Variants in CORO1B observed in about 807,000 individuals in gnomAD.
CORO1B encodes the protein coronin 1B.
Under a neutral mutation model 51.1 loss-of-function variants are expected in CORO1B, and 30 were observed. That is an observed-to-expected ratio of 0.59 (90% CI 0.44 to 0.80). The LOEUF (loss-of-function observed/expected upper bound fraction) is 0.80, where lower values mean the gene tolerates loss of function less well. CORO1B is among the 30% of genes least tolerant of loss of function. The pLI, the probability that CORO1B is intolerant of heterozygous loss-of-function variation, is 0.00. For synonymous variants in CORO1B, 310 were observed against 289.7 expected, an observed-to-expected ratio of 1.07 and a Z score of -0.71; for missense variants, 648 against 700.4, an observed-to-expected ratio of 0.93 and a Z score of 0.84.
At position 67,439,817 on chromosome 11, in the gene CORO1B, C is replaced by G; in HGVS notation, c.1034G>C (p.Cys345Ser). The G allele has an allele frequency of 1.3e-6, 2 of 1,588,604 alleles. No individual in the cohort carries two copies. The highest frequency in any genetic ancestry group is 1.7e-6 in the Non-Finnish European group (2 of 1,168,030). ...TGGCACAGTCATGACGATGGGCTCA[C>G]ACTTGCGCTCATGCAGTTTGTAGAA... ...ARFYKLHERK[C>S]EPIVMTVPRK... Residue 345 changes from cysteine to serine, a missense_variant, in exon 9 of 11, where the codon TGT becomes TCT. Transcript: ENST00000341356.
chr11:67,435,963 C>T lies in CORO1B; in HGVS notation c.*2413G>A, dbSNP rs199676581. 34 of 1,613,640 alleles carry T rather than the reference C, an allele frequency of 2.1e-5. No homozygotes were observed. The East Asian group carries it at 4.0e-4, about 19-fold the overall frequency. On this transcript the variant is annotated 3_prime_UTR_variant, in exon 11 of 11. Coordinates refer to ENST00000341356, the MANE Select transcript of CORO1B (RefSeq NM_020441.3). ...CTGGACGCCTCTCCACATTGCTGCT[C>T]GCCTTCCCCAGGGTCAGCCTGCAGG...
rs766764947 is a variant in CORO1B, at chr11:67,440,141, C to T, written c.984G>A (p.Glu328=). Residue 328 remains glutamate, a synonymous_variant, in exon 8 of 11, where the codon GAG becomes GAA. Coordinates refer to ENST00000341356, the MANE Select transcript of CORO1B (RefSeq NM_020441.3). ...GMGSMPKRGL[E]VSKCEIARFY... ...ACCGGGCGATCTCGCACTTGCTGAC[C>T]TCCAGGCCCCGCTTGGGCATGCTGC... The T allele has an allele frequency of 3.5e-5, 56 of 1,612,912 alleles. No homozygotes were observed. Among genetic ancestry groups the T allele is most frequent in the Middle Eastern group, 1.7e-4 (1 of 6,014 alleles).
chr11:67,439,866 C>T (rs372686577), intron 8 of CORO1B, 23 bp from the exon 9 acceptor site: 44 of 1,560,240 alleles, frequency 2.8e-5, no homozygotes, highest in Admixed American at 5.8e-5. Context: ...GGAGGAGCCA[C>T]GGGTGGAACC....
intron 6 of CORO1B, 38 bp downstream of exon 6, chr11:67,441,087 C>T (rs1248095115): frequency 1.2e-6 from 2 of 1,612,648 alleles, no homozygotes. Flanking sequence ...AGGGTGGGGC[C>T]CAAGTCTCAA....
At position 67,438,484 on chromosome 11, in the gene CORO1B, C is replaced by T; in HGVS notation, c.1362G>A (p.Glu454=). Residue 454 remains glutamate, a synonymous_variant, in exon 11 of 11, where the codon GAG becomes GAA. Coordinates refer to ENST00000341356, the MANE Select transcript of CORO1B (RefSeq NM_020441.3). The part of the protein sequence containing the change: ...LARAGEAGKL[E]EVMQELRALR... ...GGGCCCGCAGCTCCTGCATCACCTCCTCCAGCTTCCCAGCCTCCTGTGGGG... is the reference window on the plus strand; with the variant it reads ...GGGCCCGCAGCTCCTGCATCACCTCTTCCAGCTTCCCAGCCTCCTGTGGGG... 6.2e-7 allele frequency: 1 copy of T among 1,609,174 alleles called. No homozygotes were observed. Among genetic ancestry groups the T allele is most frequent in the Non-Finnish European group, 8.5e-7 (1 of 1,177,278 alleles).
Position 67,442,483 on chromosome 11 carries a change from G to A in CORO1B, c.146C>T (p.Ala49Val). The A allele has an allele frequency of 3.1e-6, 5 of 1,613,590 alleles. No individual in the cohort carries two copies. The highest frequency in any genetic ancestry group is 4.2e-6 in the Non-Finnish European group (5 of 1,180,008). The change falls in exon 2 of 11, where the codon GCG (alanine) becomes GTG (valine). Residue 49 changes from alanine to valine, a missense_variant. Coordinates refer to ENST00000341356, the MANE Select transcript of CORO1B (RefSeq NM_020441.3). ...TFCAVNPKFLAVIVEASGGGA... is the reference protein window; with the variant it reads ...TFCAVNPKFLVVIVEASGGGA... ...CCCTCCACTGGCCTCCACAATCACCGCCAGGAACTTGGGGTTGACGGCGCA... is the reference window on the plus strand; with the variant it reads ...CCCTCCACTGGCCTCCACAATCACCACCAGGAACTTGGGGTTGACGGCGCA...
At chr11:67,442,220 G>C in intron 2 of CORO1B, 132 bp from the exon 3 acceptor site, 1 of 1,467,648 alleles carries the variant, frequency 6.8e-7, no homozygotes, top group South Asian at 1.3e-5. Flanking sequence ...CACTTGCCAG[G>C]TGAGCAGGAA....
Position 67,440,794 on chromosome 11 carries a change from G to A in CORO1B, c.756+331C>T, listed in dbSNP as rs981032930. The A allele has an allele frequency of 9.3e-6, 6 of 647,830 alleles. No homozygotes were observed. In the African/African-American group the frequency reaches 1.1e-4, roughly 12 times the overall value. 40.1% of individuals were successfully genotyped at this position (647,830 alleles called of 1,614,324 possible). ...CAGAAGCAGAGAGGGCTGGGGCCAGGAGGCTTGCTGGAGGAGGAGGCTTTC... is the reference window on the plus strand; with the variant it reads ...CAGAAGCAGAGAGGGCTGGGGCCAGAAGGCTTGCTGGAGGAGGAGGCTTTC... On this transcript the variant is annotated intron_variant, in intron 6 of 10. Coordinates refer to ENST00000341356, the MANE Select transcript of CORO1B (RefSeq NM_020441.3).
rs1391266494 is a variant in CORO1B at position 67,436,125 on chromosome 11, G to A, written c.*2251C>T. ...CTGGCCCAGAGCAGGCGCCGCGTGCGGCCCCACAGCGCGGCACCTAGGCGG... is the reference window on the plus strand; with the variant it reads ...CTGGCCCAGAGCAGGCGCCGCGTGCAGCCCCACAGCGCGGCACCTAGGCGG... On this transcript the variant is annotated 3_prime_UTR_variant, in exon 11 of 11. Transcript: ENST00000341356. 2 of 1,593,280 alleles carry A rather than the reference G, an allele frequency of 1.3e-6. No homozygotes were observed. Among genetic ancestry groups the A allele is most frequent in the Middle Eastern group, 1.7e-4 (1 of 6,018 alleles).
rs1057184 is a variant in CORO1B, at chr11:67,435,733, C to T, written c.*2643G>A. The T allele has an allele frequency of 6.6e-7, 1 of 1,525,446 alleles. No homozygotes were observed. Among genetic ancestry groups the T allele is most frequent in the Non-Finnish European group, 8.8e-7 (1 of 1,138,826 alleles). 94.5% of individuals were successfully genotyped at this position (1,525,446 alleles called of 1,614,324 possible). A position where few individuals can be genotyped will look rare whatever the true frequency, so the allele number is the denominator to read the frequency against. Reference sequence around the variant, plus strand: ...AGGGATGGGACACCAAGACCGGCCTCTACAGTGCGGTGACATGGAGGCCCT... The same window carrying T: ...AGGGATGGGACACCAAGACCGGCCTTTACAGTGCGGTGACATGGAGGCCCT... On this transcript the variant is annotated 3_prime_UTR_variant, in exon 11 of 11. Coordinates refer to ENST00000341356, the MANE Select transcript of CORO1B (RefSeq NM_020441.3).
rs1479627219 is a variant in CORO1B at position 67,438,755 on chromosome 11, G to A, written c.1260C>T (p.Ala420=). The change falls in exon 10 of 11, where the codon GCC becomes GCT. Residue 420 remains alanine, a synonymous_variant. Transcript: ENST00000341356. ...NVLSDSRPAM[A]PGSSHLGAPA... Reference sequence around the variant, plus strand: ...GGGCCCCTAGGTGGGAGGAGCCCGGGGCCATGGCGGGCCGGCTGTCAGACA... The same window carrying A: ...GGGCCCCTAGGTGGGAGGAGCCCGGAGCCATGGCGGGCCGGCTGTCAGACA... 2 of 1,564,566 alleles carry A rather than the reference G, an allele frequency of 1.3e-6. No individual in the cohort carries two copies. Among genetic ancestry groups the A allele is most frequent in the African/African-American group, 1.4e-5 (1 of 74,008 alleles).
At chr11:67,443,479 A>G, upstream of CORO1B, 1 of 985,812 alleles carries the variant, frequency 1.0e-6, no homozygotes, top group Non-Finnish European at 1.2e-6. Flanking sequence ...GGAAGCAGGA[A>G]GCAGGATTCA....
chr11:67,442,313 A>G (rs557035660), intron 2 of CORO1B, 115 bp downstream of exon 2: 219 of 1,296,166 alleles, frequency 1.7e-4, no homozygotes, highest in Middle Eastern at 5.3e-4. Context: ...AATCTGGGTT[A>G]TAACACCTGC....
rs1057187722 is a variant in CORO1B, at chr11:67,442,181, T to C, written c.202-93A>G. ...GTGGGAATGACATGCACGTCCCGGC[T>C]CACAGGTGGCCCAGATGTGACTGTG... On this transcript the variant is annotated intron_variant, in intron 2 of 10. Coordinates refer to ENST00000341356, the MANE Select transcript of CORO1B (RefSeq NM_020441.3). 1.9e-6 allele frequency: 3 copies of C among 1,562,372 alleles called. No individual in the cohort carries two copies. The African/African-American group carries it at 4.0e-5, about 21-fold the overall frequency.
chr11:67,436,907 CTCAATAAG>C lies in CORO1B; in HGVS notation c.*1461_*1468del, dbSNP rs1490161394. On this transcript the variant is annotated 3_prime_UTR_variant, in exon 11 of 11. Transcript: ENST00000341356. ...TTTGGGTCAAGCATGTTAGTAGGTG[CTCAATAAG>C]TATGGATTAAATGTGTCTAGGCTGC... The C allele has an allele frequency of 6.5e-6, 1 of 152,762 alleles. No individual in the cohort carries two copies. Among genetic ancestry groups the C allele is most frequent in the Non-Finnish European group, 1.5e-5 (1 of 68,626 alleles). The allele number at this position is 152,762 out of a possible 1,614,324, so 9.5% of individuals were successfully genotyped here.
rs1382964963 is a variant in CORO1B at position 67,438,234 on chromosome 11, G to T, written c.*142C>A. The T allele has an allele frequency of 9.3e-7, 1 of 1,073,410 alleles. No individual in the cohort carries two copies. Among genetic ancestry groups the T allele is most frequent in the Non-Finnish European group, 1.3e-6 (1 of 756,642 alleles). 66.5% of individuals were successfully genotyped at this position (1,073,410 alleles called of 1,614,324 possible). A position where few individuals can be genotyped will look rare whatever the true frequency, so the allele number is the denominator to read the frequency against. ...AAGCTGGGCGCTGGCTTCGGCCTGGGCCTGGGACGGGTGGGGGTGGGAACT... is the reference window on the plus strand; with the variant it reads ...AAGCTGGGCGCTGGCTTCGGCCTGGTCCTGGGACGGGTGGGGGTGGGAACT... On this transcript the variant is annotated 3_prime_UTR_variant, in exon 11 of 11. Coordinates refer to ENST00000341356, the MANE Select transcript of CORO1B (RefSeq NM_020441.3).
At chr11:67,443,782 C>T (rs1222183057), upstream of CORO1B, 2 of 985,202 alleles carry the variant, frequency 2.0e-6, no homozygotes, top group Non-Finnish European at 2.4e-6. Flanking sequence ...CGCGTTCTTG[C>T]TCCTCATAAT....
chr11:67,442,099 G>A lies in CORO1B; in HGVS notation c.202-11C>T, dbSNP rs768446687. On this transcript the variant is annotated splice_polypyrimidine_tract_variant and intron_variant, in intron 2 of 10. Transcript: ENST00000341356. ...GTCAATGCGGCCCGTCTGTGGGCAC[G>A]AGGGGGCAGTCAGTGGGCTCCATCC... 61 of 1,607,060 alleles carry A rather than the reference G, an allele frequency of 3.8e-5. No homozygotes were observed. Among genetic ancestry groups the A allele is most frequent in the South Asian group, 8.8e-5 (8 of 91,024 alleles).
intron 6 of CORO1B, 157 bp from the exon 7 acceptor site, chr11:67,440,596 C>T (rs1864376129): frequency 6.8e-6 from 5 of 731,898 alleles, no homozygotes; most frequent in South Asian, 1.5e-5. Flanking sequence ...CATGACGACC[C>T]CCACCTGGCC....
Sources: allele counts gnomAD v4.1 joint callset, GRCh38; gene constraint gnomAD v4.1.1; transcripts MANE v1.5; gene names NCBI Gene and HGNC (gene_info 2026-07-23, HGNC 2026-07-21).